The following TPST2 variants were observed in gnomAD, a reference collection of about 807,000 sequenced individuals.
The protein encoded by TPST2 is tyrosylprotein sulfotransferase 2, also known as protein-tyrosine sulfotransferase 2.
Under a neutral mutation model 27.8 loss-of-function variants are expected in TPST2, and 16 were observed. The ratio of observed to expected loss-of-function variants is 0.58; its 90% confidence interval spans 0.39 to 0.88. TPST2 has a LOEUF of 0.88. Among genes scored for constraint, TPST2 ranks in the 40% least tolerant of loss-of-function variants. The pLI is 0.00. For synonymous variants in TPST2, 229 were observed against 231.7 expected, an observed-to-expected ratio of 0.99 and a Z score of 0.10; for missense variants, 464 against 543.1, an observed-to-expected ratio of 0.85 and a Z score of 1.45.
chr22:26,528,201 T>A lies in TPST2; in HGVS notation c.*7+13A>T. On this transcript the variant is annotated intron_variant, in intron 6 of 6. Coordinates refer to ENST00000338754, the MANE Select transcript of TPST2 (RefSeq NM_003595.5). ...GAAGCAGCGGGAACCCCCAGTGAAG[T>A]CCACAGGCTTACCTGGAAATCACGA... is the stretch of plus-strand genomic sequence containing the variant. The A allele has an allele frequency of 6.4e-7, 1 of 1,557,966 alleles. No homozygotes were observed. Among genetic ancestry groups the A allele is most frequent in the Non-Finnish European group, 8.7e-7 (1 of 1,149,682 alleles).
chr22:26,584,436 T>C (rs1928255415), intron 1 of TPST2, among the ~76,000 whole-genome samples: 1 of 152,164 alleles, frequency 6.6e-6, no homozygotes, highest in Non-Finnish European at 1.5e-5. Context: ...ACACCTGATG[T>C]TTTCTGTGTG....
At chr22:26,535,546 A>C (rs577281807) in intron 4 of TPST2, among the ~76,000 whole-genome samples, 4 of 152,220 alleles carry the variant, frequency 2.6e-5, no homozygotes, top group Non-Finnish European at 5.9e-5. Flanking sequence ...GGGAAGAGTG[A>C]AGCAGGGGCA....
At chr22:26,559,365 C>CA (rs944617521) in intron 1 of TPST2, among the ~76,000 whole-genome samples, 79 of 151,502 alleles carry the variant, frequency 5.2e-4, no homozygotes, top group African/African-American at 1.7e-3. Flanking sequence ...AACTCCATCT[C>CA]AAAAAAAATA....
intron 1 of TPST2, among the ~76,000 whole-genome samples, chr22:26,558,991 T>C (rs762411864): frequency 7.9e-5 from 12 of 152,280 alleles, no homozygotes; most frequent in Non-Finnish European, 1.5e-4. Flanking sequence ...TTGTTTTTCA[T>C]GGATATTTTT....
intron 1 of TPST2, among the ~76,000 whole-genome samples, chr22:26,580,072 C>A (rs1928037127): frequency 6.6e-6 from 1 of 151,950 alleles, no homozygotes; most frequent in South Asian, 2.1e-4. Flanking sequence ...TAGTGAGACC[C>A]CATTTCTACA....
At chr22:26,529,869 A>T (rs752513483) in intron 5 of TPST2, among the ~76,000 whole-genome samples, 7 of 141,038 alleles carry the variant, frequency 5.0e-5, no homozygotes, top group Middle Eastern at 3.4e-3. Context: ...CCTTGAATTT[A>T]AAAAAAAAAA....
chr22:26,576,733 G>T (rs962361228), intron 1 of TPST2, among the ~76,000 whole-genome samples: 4 of 151,988 alleles, frequency 2.6e-5, no homozygotes, highest in African/African-American at 9.7e-5. Flanking sequence ...CATTTTGGGA[G>T]GCTGAGGTGG....
chr22:26,568,628 C>T (rs543018039), intron 1 of TPST2, among the ~76,000 whole-genome samples: 54 of 152,154 alleles, frequency 3.5e-4, no homozygotes, highest in Non-Finnish European at 5.3e-4. Context: ...AGCGCCATGA[C>T]GTTTACAAAT....
rs572980678 is a variant in TPST2, at chr22:26,577,638, T to C, written c.-161+12415A>G. 6.6e-4 allele frequency among the ~76,000 whole-genome samples: 98 copies of C among 148,126 alleles called. 2 individuals are homozygous for C. The highest frequency in any genetic ancestry group is 2.0e-3 in the East Asian group (10 of 5,028). On this transcript the variant is annotated intron_variant, in intron 1 of 6. Transcript: ENST00000338754. ...TGCTGGGATTACAGGTGTGAGCCAC[T>C]GCACCCGGCCATTTTTTTTTTTTTT...
intron 1 of TPST2, among the ~76,000 whole-genome samples, chr22:26,578,777 A>G (rs1927966218): frequency 6.6e-6 from 1 of 152,060 alleles, no homozygotes; most frequent in Non-Finnish European, 1.5e-5. Context: ...CATGATCCAG[A>G]ACAAGTTACC....
intron 1 of TPST2, among the ~76,000 whole-genome samples, chr22:26,555,480 G>A (rs73880125): frequency 0.027 from 4,054 of 152,300 alleles, 169 homozygotes; most frequent in African/African-American, 0.092. Flanking sequence ...CTGTTATAAC[G>A]TTTAACATTT....
chr22:26,581,025 C>T (rs1017937569), intron 1 of TPST2, among the ~76,000 whole-genome samples: 2 of 24,634 alleles, frequency 8.1e-5, no homozygotes, highest in Non-Finnish European at 1.8e-4. Context: ...TACATACACA[C>T]ACACACACAC....
chr22:26,527,834 T>C (rs2053146253), intron 6 of TPST2, among the ~76,000 whole-genome samples: 1 of 152,240 alleles, frequency 6.6e-6, no homozygotes, highest in Admixed American at 6.5e-5. Flanking sequence ...TTAATTGCTC[T>C]GGCCCAACGC....
intron 1 of TPST2, among the ~76,000 whole-genome samples, chr22:26,584,593 A>T (rs1928265790): frequency 6.6e-6 from 1 of 152,110 alleles, no homozygotes; most frequent in Non-Finnish European, 1.5e-5. Flanking sequence ...TGAGCCCAGA[A>T]GTTCAAGGTT....
intron 1 of TPST2, among the ~76,000 whole-genome samples, chr22:26,563,328 C>A (rs1409686325): frequency 7.2e-6 from 1 of 139,644 alleles, no homozygotes; most frequent in Non-Finnish European, 1.5e-5. Flanking sequence ...CCTCCCTCTT[C>A]TTCTTTTTTT....
chr22:26,559,164 G>C (rs1447746081), intron 1 of TPST2, among the ~76,000 whole-genome samples: 1 of 152,218 alleles, frequency 6.6e-6, no homozygotes, highest in Admixed American at 6.5e-5. Context: ...TCAGGAGTTC[G>C]TGACCAGCCT....
intron 4 of TPST2, among the ~76,000 whole-genome samples, chr22:26,533,454 C>A (rs964532501): frequency 6.6e-6 from 1 of 151,946 alleles, no homozygotes; most frequent in African/African-American, 2.4e-5. Flanking sequence ...AAAAGGGCCT[C>A]TTGAAATAGA....
At chr22:26,585,568 T>C (rs1485462372) in intron 1 of TPST2, among the ~76,000 whole-genome samples, 4 of 152,120 alleles carry the variant, frequency 2.6e-5, no homozygotes, top group East Asian at 1.9e-4. Flanking sequence ...GCAATCGGAA[T>C]AGGCAGCAAG....
chr22:26,569,967 AG>A lies in TPST2; in HGVS notation c.-161+20085del, dbSNP rs1429794453. On this transcript the variant is annotated intron_variant, in intron 1 of 6. Transcript: ENST00000338754. ...ACTCTGTCAAAAAAAAAAAAAAAAA[AG>A]GAAGAAAGAAAGAAAAGAAAGAAAA... 8.4e-5 allele frequency among the ~76,000 whole-genome samples: 4 copies of A among 47,602 alleles called. 1 individual carries two copies. The highest frequency in any genetic ancestry group is 1.1e-4 in the Non-Finnish European group (3 of 28,322). 31.2% of individuals were successfully genotyped at this position (47,602 alleles called of 152,430 possible). A position where few individuals can be genotyped will look rare whatever the true frequency, so the allele number is the denominator to read the frequency against.
Sources: gnomAD v4.1 joint callset for allele counts (sites outside exome capture counted in the v4.1 genomes callset) on GRCh38, gnomAD v4.1.1 for gene constraint, MANE v1.5 for transcripts, NCBI Gene and HGNC (gene_info 2026-07-23, HGNC 2026-07-21) for gene names.